The following RUFY1 variants were observed in gnomAD, a reference collection of about 807,000 sequenced individuals.
The protein encoded by RUFY1 is RUN and FYVE domain-containing protein 1.
A neutral mutation model predicts 94.6 loss-of-function variants in RUFY1; 54 were observed. The ratio of observed to expected loss-of-function variants is 0.57; its 90% confidence interval spans 0.46 to 0.72. RUFY1 has a LOEUF of 0.72. RUFY1 is among the 30% of genes least tolerant of loss of function. The pLI is 0.00. For synonymous variants in RUFY1, 396 were observed against 347.3 expected (o/e 1.14, Z -1.56); for missense variants, 883 against 883.9 (o/e 1.00, Z 0.01).
intron 3 of RUFY1, 44 bp downstream of exon 3, chr5:179,562,708 C>T (rs376112400): frequency 1.9e-6 from 2 of 1,030,778 alleles, no homozygotes; most frequent in Non-Finnish European, 3.0e-6. Context: ...TTTAAAAACT[C>T]CCTCATATTT....
chr5:179,559,711 C>A lies in RUFY1; in HGVS notation c.311-314C>A, dbSNP rs1762291528. 5 of 1,064,606 alleles carry A rather than the reference C, an allele frequency of 4.7e-6. No individual in the cohort carries two copies. In the South Asian group the frequency reaches 1.7e-4, roughly 37 times the overall value. 65.9% of individuals were successfully genotyped at this position (1,064,606 alleles called of 1,614,324 possible). ...TTGGTCAAAAATGGAACCGGGGTTGCGGGAGAAGCCAAACGCGGCGAGTCT... is the reference window on the plus strand; with the variant it reads ...TTGGTCAAAAATGGAACCGGGGTTGAGGGAGAAGCCAAACGCGGCGAGTCT... On this transcript the variant is annotated intron_variant, in intron 1 of 17. Transcript: ENST00000319449.
chr5:179,592,159 G>T (rs1765172128), intron 10 of RUFY1, among the ~76,000 whole-genome samples: 1 of 151,470 alleles, frequency 6.6e-6, no homozygotes, highest in Admixed American at 6.6e-5. Flanking sequence ...CACTCTTGTC[G>T]CCCAGGCTAG....
intron 3 of RUFY1, among the ~76,000 whole-genome samples, chr5:179,565,013 ATAATT>A (rs1045497766): frequency 9.2e-5 from 14 of 151,984 alleles, no homozygotes; most frequent in African/African-American, 2.7e-4. Flanking sequence ...AGAGAGAAAA[ATAATT>A]TATATTTGGT....
At position 179,593,468 on chromosome 5, in the gene RUFY1, T is replaced by C. The variant is rs1348680420; in HGVS notation, c.1246-10T>C. On this transcript the variant is annotated splice_polypyrimidine_tract_variant and intron_variant, in intron 10 of 17. Coordinates refer to ENST00000319449, the MANE Select transcript of RUFY1 (RefSeq NM_025158.5). Reference sequence around the variant, plus strand: ...TTTAATAACATTTTCCTTGTAAATATCCTTTTAAGGAACTGGAAAAAGAAC... The same window carrying C: ...TTTAATAACATTTTCCTTGTAAATACCCTTTTAAGGAACTGGAAAAAGAAC... 6.3e-7 allele frequency: 1 copy of C among 1,582,956 alleles called. No homozygotes were observed. Among genetic ancestry groups the C allele is most frequent in the Non-Finnish European group, 8.7e-7 (1 of 1,151,732 alleles).
intron 4 of RUFY1, 186 bp from the exon 5 acceptor site, chr5:179,569,116 A>G: frequency 5.2e-6 from 5 of 959,424 alleles, no homozygotes; most frequent in Non-Finnish European, 6.1e-6. Flanking sequence ...AAGCCACAGG[A>G]AGAGAGGAGA....
chr5:179,608,493 C>G, intron 17 of RUFY1: 1 of 985,546 alleles, frequency 1.0e-6, no homozygotes, highest in Non-Finnish European at 1.2e-6. Context: ...TTATCAGGCA[C>G]CCAGGGAACC....
intron 10 of RUFY1, 145 bp from the exon 11 acceptor site, chr5:179,593,333 C>A: frequency 1.1e-6 from 1 of 897,320 alleles, no homozygotes; most frequent in Non-Finnish European, 1.7e-6. Context: ...CCACCTCAGC[C>A]TCCCAAAGTG....
Position 179,607,670 on chromosome 5 carries a change from G to A in RUFY1, c.1983+11G>A. 2 of 1,610,804 alleles carry A rather than the reference G, an allele frequency of 1.2e-6. No individual in the cohort carries two copies. Among genetic ancestry groups the A allele is most frequent in the South Asian group, 1.1e-5 (1 of 91,000 alleles). Reference sequence around the variant, plus strand: ...ATTTCCCGGAGAAAGGTACGTGGGGGCTCCACCCACCCTCCCAGTGCCCTG... The same window carrying A: ...ATTTCCCGGAGAAAGGTACGTGGGGACTCCACCCACCCTCCCAGTGCCCTG... On this transcript the variant is annotated intron_variant, in intron 17 of 17. Coordinates refer to ENST00000319449, the MANE Select transcript of RUFY1 (RefSeq NM_025158.5).
At chr5:179,575,971 G>A (rs193170757) in intron 5 of RUFY1, among the ~76,000 whole-genome samples, 34 of 152,216 alleles carry the variant, frequency 2.2e-4, no homozygotes, top group Middle Eastern at 3.4e-3. Flanking sequence ...TGTGGACACA[G>A]GGTCTCACTG....
At chr5:179,600,607 G>A (rs557304812) in intron 14 of RUFY1, among the ~76,000 whole-genome samples, 2 of 149,612 alleles carry the variant, frequency 1.3e-5, no homozygotes, top group South Asian at 2.1e-4. Context: ...TTTTGAGATA[G>A]CAATCTGTTT....
In RUFY1 at chr5:179,609,505, T is replaced by C. The variant is rs138313632; in HGVS notation, c.2113T>C (p.Ser705Pro). Residue 705 changes from serine to proline, a missense_variant, in exon 18 of 18, where the codon TCC becomes CCC. Transcript: ENST00000319449. ...CHTLLLQRCS[S>P]TAS ...CACCCTGCTCCTGCAGCGCTGCTCC[T>C]CCACGGCCTCCTGAACGTCCGTCCT... The C allele has an allele frequency of 1.7e-5, 28 of 1,604,700 alleles. No individual in the cohort carries two copies. Among genetic ancestry groups the C allele is most frequent in the Non-Finnish European group, 2.4e-5 (28 of 1,178,360 alleles).
Position 179,550,812 on chromosome 5 carries a change from CG to C in RUFY1, c.246del (p.Ser83AlafsTer27), listed in dbSNP as rs1294363071. The C allele has an allele frequency of 3.9e-6, 5 of 1,283,766 alleles. No homozygotes were observed. The highest frequency in any genetic ancestry group is 2.4e-5 in the South Asian group (1 of 42,050). The allele number at this position is 1,283,766 out of a possible 1,614,324, so 79.5% of individuals were successfully genotyped here. A position where few individuals can be genotyped will look rare whatever the true frequency, so the allele number is the denominator to read the frequency against. ...RATGNLSASC[G>X]SALRAAAGLG... ...CCACCGGGAACCTGTCGGCGAGCTG[CG>C]GGAGCGCGCTGCGCGCGGCCGCGGG... On this transcript the variant is annotated frameshift_variant, in exon 1 of 18. Coordinates refer to ENST00000319449, the MANE Select transcript of RUFY1 (RefSeq NM_025158.5). LOFTEE classifies it high-confidence loss of function.
chr5:179,554,757 C>G (rs1718219113), intron 1 of RUFY1, among the ~76,000 whole-genome samples: 1 of 151,080 alleles, frequency 6.6e-6, no homozygotes, highest in South Asian at 2.1e-4. Context: ...CATTTGAGGT[C>G]AGGAGTTTGA....
At chr5:179,574,781 TG>T (rs1243360312) in intron 5 of RUFY1, among the ~76,000 whole-genome samples, 3 of 152,206 alleles carry the variant, frequency 2.0e-5, no homozygotes, top group Non-Finnish European at 2.9e-5. Flanking sequence ...TTTGTCTACT[TG>T]GTTGAACTTT....
chr5:179,560,720 C>A (rs563450510), intron 2 of RUFY1, among the ~76,000 whole-genome samples: 1 of 120,506 alleles, frequency 8.3e-6, no homozygotes. Context: ...AGCAAGACTC[C>A]GTCTCAAAAA....
At chr5:179,576,960 C>A in intron 5 of RUFY1, 115 bp from the exon 6 acceptor site, 1 of 753,304 alleles carries the variant, frequency 1.3e-6, no homozygotes, top group African/African-American at 1.7e-5. Flanking sequence ...AGCTGGCTGA[C>A]CTAAATAAAT....
chr5:179,609,337 C>T (rs997727518), intron 17 of RUFY1, 39 bp from the exon 18 acceptor site: 2 of 1,600,822 alleles, frequency 1.2e-6, no homozygotes, highest in African/African-American at 2.7e-5. Context: ...GATGGCTTTT[C>T]CCCGGGTGTC....
At chr5:179,570,365 T>A (rs972142837) in intron 5 of RUFY1, among the ~76,000 whole-genome samples, 2 of 152,186 alleles carry the variant, frequency 1.3e-5, no homozygotes, top group African/African-American at 4.8e-5. Context: ...CTAGAAGTCC[T>A]GCAAGCCTGG....
rs545081875 is a variant in RUFY1, at chr5:179,589,570, T to G, written c.1051T>G (p.Cys351Gly). The G allele has an allele frequency of 1.1e-5, 17 of 1,614,122 alleles. No homozygotes were observed. In the African/African-American group the frequency reaches 2.1e-4, roughly 20 times the overall value. Residue 351 changes from cysteine to glycine, a missense_variant, in exon 9 of 18, where the codon TGC (cysteine) becomes GGC (glycine). Coordinates refer to ENST00000319449, the MANE Select transcript of RUFY1 (RefSeq NM_025158.5). ...EELSAATDRICSLQEEQQQLR... is the reference protein window; with the variant it reads ...EELSAATDRIGSLQEEQQQLR... ...GCTTTCAGCTGCAACAGACCGAATTTGCTCACTTCAAGAAGAACAGCAGCA... is the reference window on the plus strand; with the variant it reads ...GCTTTCAGCTGCAACAGACCGAATTGGCTCACTTCAAGAAGAACAGCAGCA...
Sources: gnomAD v4.1 joint callset for allele counts (sites outside exome capture counted in the v4.1 genomes callset) on GRCh38, gnomAD v4.1.1 for gene constraint, MANE v1.5 for transcripts, NCBI Gene and HGNC (gene_info 2026-07-23, HGNC 2026-07-21) for gene names.